The following DAB2IP variants were observed in gnomAD, a reference collection of about 807,000 sequenced individuals.
DAB2IP encodes the protein DAB2 interacting protein.
In DAB2IP, 28 loss-of-function variants were observed where a neutral mutation model predicts 107.2. That is an observed-to-expected ratio of 0.26 (90% CI 0.19 to 0.36). The LOEUF is 0.36. Ranked by LOEUF, DAB2IP falls within the 10% of genes least tolerant of loss-of-function variation. The pLI, the probability that DAB2IP is intolerant of heterozygous loss-of-function variation, is 1.00. For missense variants in DAB2IP, 1,400 were observed against 1,644.7 expected (o/e 0.85, Z 2.57); for synonymous variants, 755 against 706.4 (o/e 1.07, Z -1.09).
intron 1 of DAB2IP, among the ~76,000 whole-genome samples, chr9:121,573,107 G>T (rs774719544): frequency 6.6e-6 from 1 of 152,042 alleles, no homozygotes; most frequent in African/African-American, 2.4e-5. Flanking sequence ...ATGGAGTTTC[G>T]CTCTTGTTGC....
At position 121,756,865 on chromosome 9, in the gene DAB2IP, C is replaced by T. The variant is rs1292270996; in HGVS notation, c.363-148C>T. 4.6e-6 allele frequency: 5 copies of T among 1,095,832 alleles called. No individual in the cohort carries two copies. The East Asian group carries it at 9.7e-5, about 21-fold the overall frequency. The allele number at this position is 1,095,832 out of a possible 1,614,324, so 67.9% of individuals were successfully genotyped here. A position where few individuals can be genotyped will look rare whatever the true frequency, so the allele number is the denominator to read the frequency against. ...ACCAGTCTCTGTGACAGCCCTGCCCCCAGATCTGTCTTAAGACAGAAAGGA... is the reference window on the plus strand; with the variant it reads ...ACCAGTCTCTGTGACAGCCCTGCCCTCAGATCTGTCTTAAGACAGAAAGGA... On this transcript the variant is annotated intron_variant, in intron 3 of 15. Coordinates refer to ENST00000408936, the Ensembl canonical transcript of DAB2IP.
intron 10 of DAB2IP, among the ~76,000 whole-genome samples, chr9:121,769,819 A>G (rs1834564233): frequency 6.6e-6 from 1 of 152,238 alleles, no homozygotes; most frequent in Non-Finnish European, 1.5e-5. Context: ...GGCAGGAAGA[A>G]TGGAAGGTGA....
chr9:121,645,302 G>A (rs1157944349), intron 1 of DAB2IP, among the ~76,000 whole-genome samples: 2 of 152,194 alleles, frequency 1.3e-5, no homozygotes, highest in African/African-American at 4.8e-5. Flanking sequence ...GGTGAGGAAG[G>A]AGGGCTGGGG....
chr9:121,735,429 C>G (rs1396883798), intron 3 of DAB2IP, among the ~76,000 whole-genome samples: 1 of 152,208 alleles, frequency 6.6e-6, no homozygotes, highest in South Asian at 2.1e-4. Flanking sequence ...ACAGTAGGTG[C>G]CTGACACAGT....
intron 1 of DAB2IP, among the ~76,000 whole-genome samples, chr9:121,580,797 T>C (rs1830178916): frequency 6.6e-6 from 1 of 152,104 alleles, no homozygotes; most frequent in African/African-American, 2.4e-5. Context: ...GCTAATTTTT[T>C]TGTATTTTTA....
intron 1 of DAB2IP, among the ~76,000 whole-genome samples, chr9:121,641,492 C>A (rs1832284215): frequency 6.6e-6 from 1 of 152,222 alleles, no homozygotes; most frequent in Non-Finnish European, 1.5e-5. Flanking sequence ...GCCTTGAACA[C>A]CCACCCAGGC....
chr9:121,716,099 C>T (rs1181683742), intron 3 of DAB2IP, among the ~76,000 whole-genome samples: 1 of 152,206 alleles, frequency 6.6e-6, no homozygotes, highest in African/African-American at 2.4e-5. Flanking sequence ...AATCTGTATT[C>T]CTGACAAGCC....
chr9:121,651,742 C>T lies in DAB2IP; in HGVS notation c.-34C>T. 7.9e-7 allele frequency: 1 copy of T among 1,264,304 alleles called. No individual in the cohort carries two copies. Among genetic ancestry groups the T allele is most frequent in the Non-Finnish European group, 1.0e-6 (1 of 1,001,300 alleles). The allele number at this position is 1,264,304 out of a possible 1,614,324, so 78.3% of individuals were successfully genotyped here. On this transcript the variant is annotated 5_prime_UTR_variant, in exon 1 of 16. Transcript: ENST00000408936. The surrounding 1 kb of genome is among the most constrained non-coding windows in gnomAD (Gnocchi z 5.1). The stretch of plus-strand genomic sequence containing the variant: ...GGCCGATGGGGCCCGTGTGAGCGCG[C>T]CCAGGCCCGGCCCGGTGCCCGGCGG...
chr9:121,571,030 T>C (rs1829928954), intron 1 of DAB2IP, among the ~76,000 whole-genome samples: 1 of 152,062 alleles, frequency 6.6e-6, no homozygotes, highest in Non-Finnish European at 1.5e-5. Context: ...CCATCAGATC[T>C]GACCTTCCTC....
At chr9:121,649,225 C>CAGAGGG (rs1435540813), upstream of DAB2IP, among the ~76,000 whole-genome samples, 3 of 144,990 alleles carry the variant, frequency 2.1e-5, no homozygotes. Flanking sequence ...ACTAGCTGAC[C>CAGAGGG]CTCCTTCCTC....
chr9:121,729,683 T>A (rs897925868), intron 3 of DAB2IP, among the ~76,000 whole-genome samples: 1 of 152,238 alleles, frequency 6.6e-6, no homozygotes, highest in African/African-American at 2.4e-5. Context: ...AGTATATGGA[T>A]GGCTGGTGGC....
At chr9:121,632,260 G>A (rs184467476) in intron 1 of DAB2IP, among the ~76,000 whole-genome samples, 2 of 152,352 alleles carry the variant, frequency 1.3e-5, no homozygotes, top group African/African-American at 2.4e-5. Context: ...TGCTGTGGGC[G>A]TAAAATGTGA....
intron 1 of DAB2IP, among the ~76,000 whole-genome samples, chr9:121,590,409 C>A (rs1160071675): frequency 1.3e-5 from 2 of 151,790 alleles, no homozygotes; most frequent in Non-Finnish European, 2.9e-5. Context: ...GGTAAGGACC[C>A]ACCACCCCAG....
chr9:121,737,850 A>G, intron 3 of DAB2IP: 1 of 929,420 alleles, frequency 1.1e-6, no homozygotes, highest in Non-Finnish European at 1.3e-6. Context: ...TTCTCCAATG[A>G]GGCCTGGTCC....
chr9:121,731,071 G>A (rs1284537829), intron 3 of DAB2IP, among the ~76,000 whole-genome samples: 2 of 152,234 alleles, frequency 1.3e-5, no homozygotes, highest in Admixed American at 6.5e-5. Context: ...TAGGTCCCCT[G>A]TTGGTCCAGG....
chr9:121,656,023 T>C (rs1806813645), intron 1 of DAB2IP, among the ~76,000 whole-genome samples: 1 of 151,972 alleles, frequency 6.6e-6, no homozygotes. Flanking sequence ...TTTTTTTTTT[T>C]TTGAGACGGA....
At chr9:121,581,481 T>C (rs1830193460) in intron 1 of DAB2IP, among the ~76,000 whole-genome samples, 1 of 152,048 alleles carries the variant, frequency 6.6e-6, no homozygotes, top group Admixed American at 6.5e-5. Context: ...GGAAGGTGCA[T>C]GAGCATTTTG....
chr9:121,676,822 G>C (rs1193520053), intron 1 of DAB2IP, among the ~76,000 whole-genome samples: 1 of 152,202 alleles, frequency 6.6e-6, no homozygotes, highest in African/African-American at 2.4e-5. Flanking sequence ...AGCAGGAAGG[G>C]AGTCCTCTGT....
chr9:121,714,200 A>G lies in DAB2IP; in HGVS notation c.362+14742A>G, dbSNP rs575864952. On this transcript the variant is annotated intron_variant, in intron 3 of 15. Transcript: ENST00000408936. ...GGTCCACCTCATCATATATATAGCA[A>G]GAGATGGCCCAAGACACATGAAGTG... is the stretch of plus-strand genomic sequence containing the variant. Among the ~76,000 whole-genome samples, 5 of 152,312 alleles carry G rather than the reference A, an allele frequency of 3.3e-5. No individual in the cohort carries two copies. The South Asian group carries it at 1.0e-3, about 32-fold the overall frequency.
Sources: allele counts gnomAD v4.1 joint callset (sites outside exome capture counted in the v4.1 genomes callset), GRCh38; gene constraint gnomAD v4.1.1; non-coding constraint Gnocchi (gnomAD v3.1); transcripts MANE v1.5; gene names NCBI Gene and HGNC (gene_info 2026-07-23, HGNC 2026-07-21).